Variants in DIAPH3 observed in about 807,000 individuals in gnomAD.
The protein encoded by DIAPH3 is protein diaphanous homolog 3.
DIAPH3 carries 117 observed loss-of-function variants against 144.3 expected under a neutral mutation model. That is an observed-to-expected ratio of 0.81 (90% CI 0.70 to 0.95). The LOEUF (loss-of-function observed/expected upper bound fraction) is 0.95, where lower values mean the gene tolerates loss of function less well. Ranked by LOEUF, DIAPH3 falls within the 40% of genes least tolerant of loss-of-function variation. DIAPH3 has a pLI of 0.00. For synonymous variants in DIAPH3, 519 were observed against 488.9 expected (o/e 1.06, Z -0.81); for missense variants, 1,421 against 1,412.7 (o/e 1.01, Z -0.09).
intron 4 of DIAPH3, among the ~76,000 whole-genome samples, chr13:60,084,609 A>G (rs1477926743): frequency 6.6e-6 from 1 of 152,150 alleles, no homozygotes; most frequent in Admixed American, 6.6e-5. Flanking sequence ...AGGAAAAAAA[A>G]AATCCACAAA....
At chr13:59,923,241 T>C (rs540092781) in intron 18 of DIAPH3, among the ~76,000 whole-genome samples, 1 of 152,314 alleles carries the variant, frequency 6.6e-6, no homozygotes, top group African/African-American at 2.4e-5. Context: ...CGGGAACTAT[T>C]ACAAGACTAT....
At chr13:59,958,256 T>C (rs1457324743) in intron 17 of DIAPH3, among the ~76,000 whole-genome samples, 1 of 152,178 alleles carries the variant, frequency 6.6e-6, no homozygotes, top group Non-Finnish European at 1.5e-5. Context: ...TCATATCCAT[T>C]ATTAGGTCTG....
At chr13:59,775,742 C>T (rs2038381198) in intron 25 of DIAPH3, among the ~76,000 whole-genome samples, 1 of 151,844 alleles carries the variant, frequency 6.6e-6, no homozygotes, top group Non-Finnish European at 1.5e-5. Flanking sequence ...TATAGTTTAT[C>T]TTCTATAATG....
intron 27 of DIAPH3, among the ~76,000 whole-genome samples, chr13:59,672,229 T>C (rs1004824225): frequency 1.3e-5 from 2 of 152,190 alleles, no homozygotes; most frequent in African/African-American, 4.8e-5. Flanking sequence ...AAAGAGGCAT[T>C]ATTCCTTTGA....
At chr13:59,695,523 C>T (rs952797562) in intron 27 of DIAPH3, 1 of 152,136 alleles carries the variant, frequency 6.6e-6, no homozygotes, top group African/African-American at 2.4e-5. Context: ...AGTCACTAGA[C>T]AAATATTAGT....
intron 3 of DIAPH3, among the ~76,000 whole-genome samples, chr13:60,105,156 T>C (rs893392343): frequency 1.4e-5 from 2 of 142,222 alleles, no homozygotes; most frequent in Non-Finnish European, 3.1e-5. Flanking sequence ...TTTTCATTCA[T>C]ATATTTGTTT....
At chr13:60,059,356 G>T (rs1003941849) in intron 4 of DIAPH3, among the ~76,000 whole-genome samples, 7 of 151,892 alleles carry the variant, frequency 4.6e-5, no homozygotes, top group Admixed American at 1.3e-4. Context: ...AAGATTTATG[G>T]ATTTTACTGT....
intron 24 of DIAPH3, among the ~76,000 whole-genome samples, chr13:59,816,072 AT>A (rs1166908678): frequency 5.3e-5 from 8 of 151,794 alleles, no homozygotes; most frequent in Non-Finnish European, 7.4e-5. Flanking sequence ...AAATTTCACA[AT>A]TTTTTTTCCC....
At chr13:59,968,520 T>G (rs752810473) in intron 17 of DIAPH3, among the ~76,000 whole-genome samples, 4 of 152,152 alleles carry the variant, frequency 2.6e-5, no homozygotes, top group Non-Finnish European at 5.9e-5. Flanking sequence ...TAAAATCTTA[T>G]TCACAAATTT....
At chr13:59,742,025 T>C (rs1411108616) in intron 27 of DIAPH3, among the ~76,000 whole-genome samples, 1 of 152,074 alleles carries the variant, frequency 6.6e-6, no homozygotes, top group Non-Finnish European at 1.5e-5. Flanking sequence ...CTCCCAATCA[T>C]GGCAGAAGGA....
chr13:59,775,683 C>A (rs2038377664), intron 25 of DIAPH3, among the ~76,000 whole-genome samples: 1 of 152,054 alleles, frequency 6.6e-6, no homozygotes, highest in South Asian at 2.1e-4. Context: ...GATAATCATC[C>A]CCTGACTTGA....
At chr13:59,801,957 T>C (rs987947544) in intron 25 of DIAPH3, among the ~76,000 whole-genome samples, 8 of 151,876 alleles carry the variant, frequency 5.3e-5, no homozygotes, top group East Asian at 1.9e-4. Context: ...TACTGAGTTG[T>C]TTTTTTTCCC....
intron 4 of DIAPH3, among the ~76,000 whole-genome samples, chr13:60,080,427 C>T (rs555508911): frequency 2.6e-5 from 4 of 151,892 alleles, no homozygotes; most frequent in South Asian, 2.1e-4. Context: ...TACTTAATCT[C>T]GTTATAGTTT....
chr13:59,731,355 AT>A (rs1311131423), intron 27 of DIAPH3, among the ~76,000 whole-genome samples: 1 of 152,176 alleles, frequency 6.6e-6, no homozygotes, highest in Non-Finnish European at 1.5e-5. Flanking sequence ...AAAACTGTCG[AT>A]TTTATGTCCA....
chr13:59,940,546 T>C (rs1241244532), intron 17 of DIAPH3, among the ~76,000 whole-genome samples: 1 of 152,210 alleles, frequency 6.6e-6, no homozygotes, highest in Non-Finnish European at 1.5e-5. Flanking sequence ...GAATAAATCA[T>C]ATTCATATGC....
At chr13:59,908,823 TA>T (rs1287457927) in intron 20 of DIAPH3, among the ~76,000 whole-genome samples, 2 of 152,144 alleles carry the variant, frequency 1.3e-5, no homozygotes, top group Non-Finnish European at 2.9e-5. Flanking sequence ...CTACGGAACC[TA>T]AAGATGAAAG....
chr13:59,908,839 A>G (rs1447213904), intron 20 of DIAPH3, among the ~76,000 whole-genome samples: 1 of 152,182 alleles, frequency 6.6e-6, no homozygotes, highest in African/African-American at 2.4e-5. Context: ...TGAAAGAGTT[A>G]AGAGCTAATT....
At chr13:59,714,602 C>T (rs1041295671) in intron 27 of DIAPH3, among the ~76,000 whole-genome samples, 6 of 152,098 alleles carry the variant, frequency 3.9e-5, no homozygotes, top group Non-Finnish European at 8.8e-5. Context: ...TATAACTTTA[C>T]CTTTTTTTTG....
chr13:59,688,125 CA>C (rs1311860969), intron 27 of DIAPH3, among the ~76,000 whole-genome samples: 3 of 151,946 alleles, frequency 2.0e-5, no homozygotes, highest in East Asian at 1.9e-4. Context: ...AAGAAGGAAA[CA>C]AAAACTTTAA....
Sources: allele counts gnomAD v4.1 joint callset (sites outside exome capture counted in the v4.1 genomes callset), GRCh38; gene constraint gnomAD v4.1.1; transcripts MANE v1.5; gene names NCBI Gene and HGNC (gene_info 2026-07-23, HGNC 2026-07-21).